The following LRP1B variants were observed in gnomAD, a reference collection of about 807,000 sequenced individuals.
The protein encoded by LRP1B is LDL receptor related protein 1B.
In LRP1B, 217 loss-of-function variants were observed where a neutral mutation model predicts 556.6. The ratio of observed to expected loss-of-function variants is 0.39; its 90% CI spans 0.35 to 0.44. The LOEUF (loss-of-function observed/expected upper bound fraction) is 0.44, where lower values mean the gene tolerates loss of function less well. Among genes scored for constraint, LRP1B ranks in the 20% least tolerant of loss-of-function variants. The pLI, the probability that LRP1B is intolerant of heterozygous loss-of-function variation, is 1.00. For synonymous variants in LRP1B, 2,047 were observed against 1,865.8 expected (o/e 1.10, Z -2.50); for missense variants, 5,053 against 5,620.8 (o/e 0.90, Z 3.23).
chr2:142,007,288 G>A (rs1195708000), intron 1 of LRP1B, among the ~76,000 whole-genome samples: 1 of 152,074 alleles, frequency 6.6e-6, no homozygotes, highest in Non-Finnish European at 1.5e-5. Context: ...TCTTGCAAAA[G>A]TTTCTTTTGC....
rs763091177 is a variant in LRP1B, at chr2:140,485,360, A to T, written c.9408T>A (p.Ser3136=). ...SKRLKFPRDL[S]LDPQAGYLYW... ...TTACAAACCCAGCTTGAGGATCTAAAGACAAGTCTCTGGGAAACTTCAGCC... is the reference window on the plus strand; with the variant it reads ...TTACAAACCCAGCTTGAGGATCTAATGACAAGTCTCTGGGAAACTTCAGCC... Residue 3136 remains serine (S), a synonymous_variant, in exon 59 of 91, where the codon TCT becomes TCA. Transcript: ENST00000389484. The T allele has an allele frequency of 3.1e-6, 5 of 1,610,574 alleles. No homozygotes were observed. The South Asian group carries it at 5.6e-5, about 18-fold the overall frequency.
intron 84 of LRP1B, among the ~76,000 whole-genome samples, chr2:140,277,870 C>T (rs1273217779): frequency 6.6e-6 from 1 of 151,816 alleles, no homozygotes; most frequent in Non-Finnish European, 1.5e-5. Flanking sequence ...CTAGCACTTC[C>T]ACTATTAACA....
intron 66 of LRP1B, among the ~76,000 whole-genome samples, chr2:140,401,831 A>G (rs1684516692): frequency 1.3e-5 from 2 of 152,236 alleles, no homozygotes; most frequent in African/African-American, 4.8e-5. Flanking sequence ...AATCTCAGCT[A>G]TCACCATTGC....
intron 66 of LRP1B, among the ~76,000 whole-genome samples, chr2:140,388,023 G>T (rs995642337): frequency 1.3e-5 from 2 of 149,290 alleles, no homozygotes; most frequent in African/African-American, 2.5e-5. Flanking sequence ...TGCAACCTCT[G>T]CTTCCTGAGT....
rs150957163 is a variant in LRP1B, at chr2:140,335,684, G to T, written c.12047C>A (p.Pro4016His). 1 of 1,612,332 alleles carries T rather than the reference G, an allele frequency of 6.2e-7. No homozygotes were observed. Among genetic ancestry groups the T allele is most frequent in the Non-Finnish European group, 8.5e-7 (1 of 1,178,850 alleles). The stretch of plus-strand genomic sequence containing the variant: ...ATTTGTTAAGAGTCTGGTGCAGTTG[G>T]GGCCATTCAGCTGCCCTACGTTGAT... ...YSINVGQLNG[P>H]NCTRLLTNMA... The change falls in exon 78 of 91, where the codon CCC (proline) becomes CAC (histidine). Residue 4016 changes from proline to histidine, a missense_variant. Transcript: ENST00000389484.
chr2:140,563,552 C>T (rs1252464434), intron 43 of LRP1B, among the ~76,000 whole-genome samples: 3 of 152,206 alleles, frequency 2.0e-5, no homozygotes, highest in Admixed American at 2.0e-4. Flanking sequence ...CACTTTTCCT[C>T]TACTGGTGTC....
chr2:141,637,236 C>A (rs1273648820), intron 2 of LRP1B, among the ~76,000 whole-genome samples: 1 of 151,966 alleles, frequency 6.6e-6, no homozygotes, highest in Non-Finnish European at 1.5e-5. Flanking sequence ...TATGTATATG[C>A]CAGGCATTTT....
In LRP1B at chr2:142,020,508, G is replaced by A. The variant is rs1703295714; in HGVS notation, c.82+110140C>T. Among the ~76,000 whole-genome samples, 2 of 152,094 alleles carry A rather than the reference G, an allele frequency of 1.3e-5. 1 individual carries two copies. Among genetic ancestry groups the A allele is most frequent in the South Asian group, 4.1e-4 (2 of 4,820 alleles). On this transcript the variant is annotated intron_variant, in intron 1 of 90. Transcript: ENST00000389484. ...TACAGGCCACTAAGCTATTAATACA[G>A]TTCAGAATAAAACAGTGACCACGAA...
intron 3 of LRP1B, among the ~76,000 whole-genome samples, chr2:141,339,037 C>T (rs746124343): frequency 5.3e-5 from 8 of 151,948 alleles, no homozygotes; most frequent in Non-Finnish European, 2.9e-5. Context: ...TGTGTTTCTC[C>T]TCCCTACTTC....
rs1700716186 is a variant in LRP1B, at chr2:141,110,251, T to A, written c.1014-47978A>T. On this transcript the variant is annotated intron_variant, in intron 7 of 90. Coordinates refer to ENST00000389484, the MANE Select transcript of LRP1B (RefSeq NM_018557.3). ...ATAAAGCCAAAGGATATAAATTTAA[T>A]TTTATATCTTTCTAATTAATGTTAA... Among the ~76,000 whole-genome samples the A allele has an allele frequency of 2.0e-5, 3 of 150,946 alleles. No individual in the cohort carries two copies. In the Admixed American group the frequency reaches 2.0e-4, roughly 10 times the overall value.
chr2:140,774,282 C>T (rs915010957), intron 33 of LRP1B, among the ~76,000 whole-genome samples: 8 of 151,974 alleles, frequency 5.3e-5, no homozygotes, highest in Non-Finnish European at 8.8e-5. Context: ...TTTCTAAGTG[C>T]TAGAGGTCCT....
chr2:140,559,861 A>C (rs1680867274), intron 43 of LRP1B, among the ~76,000 whole-genome samples: 1 of 152,132 alleles, frequency 6.6e-6, no homozygotes, highest in African/African-American at 2.4e-5. Context: ...ATTGAAAATT[A>C]TCACTTGGCA....
chr2:142,041,434 A>G (rs887022114), intron 1 of LRP1B, among the ~76,000 whole-genome samples: 1 of 151,502 alleles, frequency 6.6e-6, no homozygotes, highest in Non-Finnish European at 1.5e-5. Flanking sequence ...AAGTGTATAC[A>G]TGAAAAACAT....
At chr2:140,868,413 G>A in intron 25 of LRP1B, 150 bp from the exon 26 acceptor site, 1 of 618,336 alleles carries the variant, frequency 1.6e-6, no homozygotes, top group Non-Finnish European at 2.5e-6. Flanking sequence ...GGGGCTTATG[G>A]TCCAGTGGAG....
At chr2:140,665,831 A>G (rs900660597) in intron 41 of LRP1B, among the ~76,000 whole-genome samples, 1 of 152,112 alleles carries the variant, frequency 6.6e-6, no homozygotes, top group Non-Finnish European at 1.5e-5. Flanking sequence ...AATTTTTAAA[A>G]AATTCTGGAT....
chr2:142,018,894 TATTA>T (rs10540221), intron 1 of LRP1B, among the ~76,000 whole-genome samples: 45,303 of 151,732 alleles, frequency 0.3, 7,054 homozygotes, highest in Middle Eastern at 0.47. Flanking sequence ...TATACATGTA[TATTA>T]ATTGTCTGTA....
chr2:141,748,920 G>A (rs1694006604), intron 2 of LRP1B, among the ~76,000 whole-genome samples: 1 of 152,018 alleles, frequency 6.6e-6, no homozygotes, highest in South Asian at 2.1e-4. Flanking sequence ...AGCTGCTAAG[G>A]GGCTGCTATA....
chr2:141,994,238 T>C (rs1466216660), intron 1 of LRP1B, among the ~76,000 whole-genome samples: 13 of 152,176 alleles, frequency 8.5e-5, no homozygotes, highest in Admixed American at 8.5e-4. Flanking sequence ...GTTGAGCTGT[T>C]AATGTAATAG....
At chr2:140,348,023 A>G (rs1462182201) in intron 77 of LRP1B, among the ~76,000 whole-genome samples, 1 of 152,076 alleles carries the variant, frequency 6.6e-6, no homozygotes, top group East Asian at 1.9e-4. Context: ...TCAGAGGAAT[A>G]AACACAAATT....
Sources: allele counts gnomAD v4.1 joint callset (sites outside exome capture counted in the v4.1 genomes callset), GRCh38; gene constraint gnomAD v4.1.1; transcripts MANE v1.5; gene names NCBI Gene and HGNC (gene_info 2026-07-23, HGNC 2026-07-21).